PDE4B: variants seen among roughly 807,000 people sequenced by gnomAD.
PDE4B encodes the protein 3',5'-cyclic-AMP phosphodiesterase 4B.
In PDE4B, 20 loss-of-function variants were observed where a neutral mutation model predicts 82.2. The ratio of observed to expected loss-of-function variants is 0.24; its 90% CI spans 0.17 to 0.35. The LOEUF is 0.35. PDE4B is among the 10% of genes least tolerant of loss of function. The probability of loss-of-function intolerance (pLI) is 1.00; values close to 1 mark genes in which losing one functional copy is unlikely to be tolerated. For missense variants in PDE4B, 655 were observed against 907.2 expected, an observed-to-expected ratio of 0.72 and a Z score of 3.57; for synonymous variants, 320 against 318.9, an observed-to-expected ratio of 1.00 and a Z score of -0.04.
chr1:66,068,763 C>T (rs1197056350), intron 3 of PDE4B, among the ~76,000 whole-genome samples: 1 of 151,876 alleles, frequency 6.6e-6, no homozygotes, highest in African/African-American at 2.4e-5. Context: ...GAAGAGTAAT[C>T]TGGGATCATG....
intron 1 of PDE4B, among the ~76,000 whole-genome samples, chr1:65,856,024 G>T (rs1646388768): frequency 6.6e-6 from 1 of 152,020 alleles, no homozygotes; most frequent in Non-Finnish European, 1.5e-5. Flanking sequence ...ATAACTAGAT[G>T]CAGAAGTCTC....
intron 3 of PDE4B, among the ~76,000 whole-genome samples, chr1:66,099,826 A>T (rs79917696): frequency 0.012 from 1,785 of 152,182 alleles, 43 homozygotes; most frequent in African/African-American, 0.041. Flanking sequence ...TATGAATTTG[A>T]TTTTGTATTG....
rs899742572 is a variant in PDE4B, at chr1:66,083,865, A to G, written c.282-163595A>G. 5.9e-5 allele frequency among the ~76,000 whole-genome samples: 9 copies of G among 152,266 alleles called. No individual in the cohort carries two copies. In the East Asian group the frequency reaches 1.5e-3, roughly 26 times the overall value. ...TGTTCCTAACCTTTACACTTGTATC[A>G]TATGGTATTATTCTGTATGTGCCAG... On this transcript the variant is annotated intron_variant, in intron 3 of 16. Transcript: ENST00000341517.
chr1:66,066,271 C>T (rs1008878788), intron 3 of PDE4B, among the ~76,000 whole-genome samples: 8 of 151,596 alleles, frequency 5.3e-5, no homozygotes, highest in Admixed American at 2.6e-4. Context: ...AGTCCCTACC[C>T]GCAGCCTCCT....
chr1:65,859,341 A>C (rs1646428424), intron 1 of PDE4B, among the ~76,000 whole-genome samples: 1 of 152,086 alleles, frequency 6.6e-6, no homozygotes, highest in Non-Finnish European at 1.5e-5. Context: ...GTTTAAATTG[A>C]GAAAATAGTT....
chr1:66,045,480 TGA>T (rs1654651568), intron 3 of PDE4B, among the ~76,000 whole-genome samples: 1 of 151,822 alleles, frequency 6.6e-6, no homozygotes, highest in Admixed American at 6.6e-5. Flanking sequence ...CTTTCTGAAC[TGA>T]GTCTTATCAG....
intron 3 of PDE4B, among the ~76,000 whole-genome samples, chr1:66,113,807 G>A (rs570750960): frequency 1.3e-5 from 2 of 152,214 alleles, no homozygotes; most frequent in South Asian, 2.1e-4. Context: ...AAGAAAAGAC[G>A]TCATAAATTA....
At chr1:66,332,893 C>A (rs1660233189) in intron 8 of PDE4B, among the ~76,000 whole-genome samples, 1 of 152,212 alleles carries the variant, frequency 6.6e-6, no homozygotes. Flanking sequence ...TGAGAGATGT[C>A]TGTCTGTAAA....
At chr1:65,891,894 C>G (rs1387350582) in intron 1 of PDE4B, among the ~76,000 whole-genome samples, 5 of 152,006 alleles carry the variant, frequency 3.3e-5, no homozygotes, top group African/African-American at 1.2e-4. Context: ...TTCTAGAAGT[C>G]ATTAATAGAA....
At chr1:65,799,058 T>C (rs2101156964) in intron 1 of PDE4B, among the ~76,000 whole-genome samples, 1 of 152,358 alleles carries the variant, frequency 6.6e-6, no homozygotes, top group South Asian at 2.1e-4. Context: ...AACTTGCTGA[T>C]ATTTTGAATG....
intron 3 of PDE4B, among the ~76,000 whole-genome samples, chr1:66,232,988 A>G (rs1652103584): frequency 6.6e-6 from 1 of 152,204 alleles, no homozygotes; most frequent in African/African-American, 2.4e-5. Context: ...ACGTATTTAT[A>G]AGGTACAAAT....
chr1:65,803,138 A>C (rs1019846049), intron 1 of PDE4B, among the ~76,000 whole-genome samples: 1 of 152,186 alleles, frequency 6.6e-6, no homozygotes, highest in African/African-American at 2.4e-5. Flanking sequence ...GATATTGACA[A>C]AAATATCCTT....
intron 3 of PDE4B, among the ~76,000 whole-genome samples, chr1:66,018,054 G>C (rs1652878614): frequency 6.6e-6 from 1 of 152,032 alleles, no homozygotes; most frequent in African/African-American, 2.4e-5. Flanking sequence ...TTTTCTTTTA[G>C]TGTTACTCTT....
intron 1 of PDE4B, among the ~76,000 whole-genome samples, chr1:65,890,256 A>G (rs903899625): frequency 6.6e-6 from 1 of 151,866 alleles, no homozygotes. Context: ...TTTCATTTTC[A>G]TGGAAAGACC....
At chr1:66,175,947 A>G (rs555615997) in intron 3 of PDE4B, among the ~76,000 whole-genome samples, 1 of 152,372 alleles carries the variant, frequency 6.6e-6, no homozygotes, top group East Asian at 1.9e-4. Flanking sequence ...ATGAAATGTC[A>G]TGCAAAAGAT....
At chr1:65,827,333 G>A (rs911613337) in intron 1 of PDE4B, among the ~76,000 whole-genome samples, 1 of 152,020 alleles carries the variant, frequency 6.6e-6, no homozygotes, top group African/African-American at 2.4e-5. Flanking sequence ...CATAGATATT[G>A]GAACTATCAG....
intron 3 of PDE4B, among the ~76,000 whole-genome samples, chr1:66,060,315 T>C (rs192186136): frequency 8.5e-5 from 13 of 152,324 alleles, no homozygotes; most frequent in African/African-American, 3.1e-4. Context: ...AGGACCAAAA[T>C]ATCAAGGAGT....
rs538199685 is a variant in PDE4B at position 65,833,762 on chromosome 1, T to A, written c.-71+40514T>A. On this transcript the variant is annotated intron_variant, in intron 1 of 16. Transcript: ENST00000341517. ...ATTCATCTATCTGTCTAGCTAGCAG[T>A]GTACTGAACAAATTATTAAATTTTC... Among the ~76,000 whole-genome samples, 19 of 152,350 alleles carry A rather than the reference T, an allele frequency of 1.2e-4. No homozygotes were observed. The East Asian group carries it at 2.5e-3, about 20-fold the overall frequency.
At chr1:65,973,535 G>A (rs1411480335) in intron 3 of PDE4B, among the ~76,000 whole-genome samples, 1 of 152,016 alleles carries the variant, frequency 6.6e-6, no homozygotes, top group Non-Finnish European at 1.5e-5. Flanking sequence ...TTGCAAACTT[G>A]GACACAATAG....
Sources: allele counts gnomAD v4.1 joint callset (sites outside exome capture counted in the v4.1 genomes callset), GRCh38; gene constraint gnomAD v4.1.1; transcripts MANE v1.5; gene names NCBI Gene and HGNC (gene_info 2026-07-23, HGNC 2026-07-21).